Variants in DNAAF1 observed in about 807,000 individuals in gnomAD.
DNAAF1 encodes the protein dynein axonemal assembly factor 1, also known as dynein assembly factor 1, axonemal.
Under a neutral mutation model 71.1 loss-of-function variants are expected in DNAAF1, and 65 were observed. The observed-to-expected ratio is 0.91, with a 90% CI of 0.75 to 1.12. The LOEUF (loss-of-function observed/expected upper bound fraction) is 1.12. Ranked by LOEUF, DNAAF1 falls within the 50% of genes most tolerant of loss-of-function variation. The pLI, the probability that DNAAF1 is intolerant of heterozygous loss-of-function variation, is 0.00. For synonymous variants in DNAAF1, 414 were observed against 354.6 expected (o/e 1.17, Z -1.88); for missense variants, 1,178 against 899.8 (o/e 1.31, Z -3.96).
intron 1 of DNAAF1, among the ~76,000 whole-genome samples, chr16:84,148,594 CTCTT>C (rs2087026152): frequency 3.3e-5 from 1 of 30,060 alleles, no homozygotes; most frequent in South Asian, 9.3e-4. Context: ...CTCTCTCTCT[CTCTT>C]TTTTTTTTTT....
chr16:84,148,359 G>C (rs1173532489), intron 1 of DNAAF1, among the ~76,000 whole-genome samples: 1 of 151,994 alleles, frequency 6.6e-6, no homozygotes, highest in African/African-American at 2.4e-5. Flanking sequence ...TCTTCTCAAA[G>C]GTAGAAAAGC....
At chr16:84,166,142 C>A in intron 7 of DNAAF1, 193 bp downstream of exon 7, 1 of 731,102 alleles carries the variant, frequency 1.4e-6, no homozygotes, top group South Asian at 1.7e-5. Context: ...CAACTTCTGT[C>A]TCCCGGGTTC....
intron 11 of DNAAF1, 43 bp from the exon 12 acceptor site, chr16:84,177,686 C>A: frequency 6.5e-7 from 1 of 1,535,816 alleles, no homozygotes; most frequent in South Asian, 1.1e-5. Context: ...TCCTTGCAGT[C>A]ACAGTGACAG....
In DNAAF1 at chr16:84,172,229, A is replaced by C. The variant is rs1597482858; in HGVS notation, c.1529-31A>C. On this transcript the variant is annotated intron_variant, in intron 8 of 11. Coordinates refer to ENST00000378553, the MANE Select transcript of DNAAF1 (RefSeq NM_178452.6). ...CGTCCATCTGCCTGCCGTGTGTTAAACTAACTCCAAGACTTGTTGTTGCTC... is the reference window on the plus strand; with the variant it reads ...CGTCCATCTGCCTGCCGTGTGTTAACCTAACTCCAAGACTTGTTGTTGCTC... The C allele has an allele frequency of 1.9e-6, 3 of 1,607,868 alleles. No homozygotes were observed. In the East Asian group the frequency reaches 6.7e-5, roughly 36 times the overall value.
chr16:84,177,767 G>C lies in DNAAF1; in HGVS notation c.2104G>C (p.Val702Leu). Residue 702 changes from valine (V) to leucine (L), a missense_variant, in exon 12 of 12, where the codon GTC becomes CTC. Val to Leu is a conservative substitution (Grantham distance 32, BLOSUM62 1). Coordinates refer to ENST00000378553, the MANE Select transcript of DNAAF1 (RefSeq NM_178452.6). ...CGCCGCCACACCCCCAGAGACGTGT[G>C]TCGGAGTTGCCCAGCCCAGCCAAGC... ...ESAATPPETCVGVAQPSQALP... is the reference protein window; with the variant it reads ...ESAATPPETCLGVAQPSQALP... The C allele has an allele frequency of 6.2e-7, 1 of 1,614,060 alleles. No individual in the cohort carries two copies. Among genetic ancestry groups the C allele is most frequent in the African/African-American group, 1.3e-5 (1 of 75,026 alleles).
At chr16:84,168,329 A>G (rs1052456765) in intron 7 of DNAAF1, among the ~76,000 whole-genome samples, 3 of 152,238 alleles carry the variant, frequency 2.0e-5, no homozygotes, top group Admixed American at 2.0e-4. Context: ...ATAACCCAGG[A>G]CAATTTCCTG....
chr16:84,169,989 C>T lies in DNAAF1; in HGVS notation c.1161C>T (p.Asp387=), dbSNP rs36062234. ...LFVKESFEAK[D]ELCPEKPSGE... The stretch of plus-strand genomic sequence containing the variant: ...TTAAGGAAAGCTTTGAGGCCAAGGA[C>T]GAGCTCTGCCCGGAAAAGCCAAGTG... The change falls in exon 8 of 12, where the codon GAC becomes GAT. Residue 387 remains aspartate, a synonymous_variant. Coordinates refer to ENST00000378553, the MANE Select transcript of DNAAF1 (RefSeq NM_178452.6). 3.7e-6 allele frequency: 6 copies of T among 1,613,808 alleles called. No individual in the cohort carries two copies. The highest frequency in any genetic ancestry group is 1.3e-5 in the African/African-American group (1 of 74,900).
intron 6 of DNAAF1, 99 bp downstream of exon 6, chr16:84,159,895 A>T: frequency 7.0e-7 from 1 of 1,429,670 alleles, no homozygotes; most frequent in Admixed American, 1.8e-5. Flanking sequence ...GAAATTTCAC[A>T]TATCAAAAAT....
intron 4 of DNAAF1, 26 bp from the exon 5 acceptor site, chr16:84,155,557 T>C (rs1201561096): frequency 1.9e-6 from 3 of 1,613,798 alleles, no homozygotes; most frequent in Non-Finnish European, 8.5e-7. Context: ...CCTTTGTTTT[T>C]GACTTCTGCT....
intron 6 of DNAAF1, among the ~76,000 whole-genome samples, chr16:84,160,817 C>T (rs2087669433): frequency 1.4e-5 from 2 of 147,400 alleles, no homozygotes; most frequent in Admixed American, 6.6e-5. Flanking sequence ...CGCCTGTAGT[C>T]CCAGCTACTC....
At chr16:84,152,696 G>A (rs1348619224) in intron 3 of DNAAF1, among the ~76,000 whole-genome samples, 2 of 150,250 alleles carry the variant, frequency 1.3e-5, no homozygotes. Flanking sequence ...GCTCACACCT[G>A]TAATCCCAGC....
intron 7 of DNAAF1, 72 bp from the exon 8 acceptor site, chr16:84,169,787 C>T (rs975190888): frequency 1.2e-6 from 2 of 1,605,158 alleles, no homozygotes; most frequent in Non-Finnish European, 1.7e-6. Flanking sequence ...GCTGTGAGCC[C>T]TTGATGTACC....
chr16:84,177,318 T>C, intron 11 of DNAAF1: 1 of 335,296 alleles, frequency 3.0e-6, no homozygotes, highest in South Asian at 2.4e-5. Context: ...CACTGTGGCC[T>C]AGGCTGGAAT....
At chr16:84,151,581 G>A (rs948480983) in intron 3 of DNAAF1, among the ~76,000 whole-genome samples, 1 of 152,248 alleles carries the variant, frequency 6.6e-6, no homozygotes, top group Admixed American at 6.5e-5. Context: ...GGAGAGAGAG[G>A]TGCCCATATT....
chr16:84,158,535 T>G (rs2087549051), intron 5 of DNAAF1, among the ~76,000 whole-genome samples: 1 of 152,214 alleles, frequency 6.6e-6, no homozygotes, highest in East Asian at 1.9e-4. Flanking sequence ...CATGTGAATT[T>G]TGATTAGGAC....
rs141123498 is a variant in DNAAF1 at position 84,161,482 on chromosome 16, A to C, written c.863+1686A>C. Among the ~76,000 whole-genome samples the C allele has an allele frequency of 3.8e-3, 583 of 152,224 alleles. 5 individuals carry two copies. Among genetic ancestry groups the C allele is most frequent in the African/African-American group, 0.014 (563 of 41,526 alleles). ...CAGCTTCAAACTCTGGGTTCACACA[A>C]GCCTCCCAAGTAACTGAGATTACAG... On this transcript the variant is annotated intron_variant, in intron 6 of 11. Transcript: ENST00000378553.
chr16:84,175,132 A>C, intron 10 of DNAAF1: 1 of 263,820 alleles, frequency 3.8e-6, no homozygotes, highest in East Asian at 9.4e-5. Flanking sequence ...CTGGGATTAC[A>C]GGCGTGAGCC....
intron 8 of DNAAF1, among the ~76,000 whole-genome samples, chr16:84,171,348 G>T (rs2088332990): frequency 6.6e-6 from 1 of 152,110 alleles, no homozygotes; most frequent in Non-Finnish European, 1.5e-5. Flanking sequence ...CCAGCTACTT[G>T]GGAGGCTGAG....
intron 7 of DNAAF1, 61 bp from the exon 8 acceptor site, chr16:84,169,798 C>G (rs923854102): frequency 1.2e-6 from 2 of 1,609,744 alleles, no homozygotes; most frequent in African/African-American, 1.3e-5. Flanking sequence ...TTGATGTACC[C>G]ACAAACACCC....
Sources: gnomAD v4.1 joint callset for allele counts (sites outside exome capture counted in the v4.1 genomes callset) on GRCh38, gnomAD v4.1.1 for gene constraint, MANE v1.5 for transcripts, NCBI Gene and HGNC (gene_info 2026-07-23, HGNC 2026-07-21) for gene names.